The following NOP9 variants were observed in gnomAD, a reference collection of about 807,000 sequenced individuals.
The protein encoded by NOP9 is nucleolar protein 9.
In NOP9, 50 loss-of-function variants were observed where a neutral mutation model predicts 63.0. The ratio of observed to expected loss-of-function variants is 0.79; its 90% confidence interval spans 0.63 to 1.00. The LOEUF (loss-of-function observed/expected upper bound fraction) is 1.00. Ranked by LOEUF, NOP9 falls within the 50% of genes least tolerant of loss-of-function variation. The pLI is 0.00. For synonymous variants in NOP9, 343 were observed against 332.8 expected, an observed-to-expected ratio of 1.03 and a Z score of -0.33; for missense variants, 758 against 803.0, an observed-to-expected ratio of 0.94 and a Z score of 0.68.
At chr14:24,296,938 A>G, upstream of NOP9, 2 of 1,608,906 alleles carry the variant, frequency 1.2e-6, no homozygotes, top group East Asian at 4.5e-5. Context: ...AGTCATGACA[A>G]AACTCCCCAA....
chr14:24,301,503 A>C lies in NOP9; in HGVS notation c.698-109A>C, dbSNP rs2041375737. ...TCCAGAAGAGACATTTAGTTGTACTACATCTGTTCTGCATCTCCAAGCGGA... is the reference window on the plus strand; with the variant it reads ...TCCAGAAGAGACATTTAGTTGTACTCCATCTGTTCTGCATCTCCAAGCGGA... On this transcript the variant is annotated intron_variant, in intron 2 of 9. Coordinates refer to ENST00000267425, the MANE Select transcript of NOP9 (RefSeq NM_174913.3). The C allele has an allele frequency of 2.3e-6, 3 of 1,322,958 alleles. No individual in the cohort carries two copies. The East Asian group carries it at 7.3e-5, about 32-fold the overall frequency. The allele number at this position is 1,322,958 out of a possible 1,614,324, so 82.0% of individuals were successfully genotyped here. A position where few individuals can be genotyped will look rare whatever the true frequency, so the allele number is the denominator to read the frequency against.
chr14:24,296,715 T>C, upstream of NOP9: 1 of 1,614,112 alleles, frequency 6.2e-7, no homozygotes, highest in Non-Finnish European at 8.5e-7. Flanking sequence ...AATGTGGAGT[T>C]GGGAACAAAG....
At chr14:24,297,543 T>A (rs1221669432), upstream of NOP9, among the ~76,000 whole-genome samples, 2 of 152,170 alleles carry the variant, frequency 1.3e-5, no homozygotes, top group East Asian at 3.8e-4. Flanking sequence ...TCCCAACGAC[T>A]CACCTGACCT....
the NOP9 span, among the ~76,000 whole-genome samples, chr14:24,285,520 A>G: frequency 1.3e-5 from 2 of 152,110 alleles, no homozygotes; most frequent in African/African-American, 2.4e-5. Context: ...TCTTCTCTGA[A>G]TATCTTAGAT....
In NOP9 at chr14:24,299,911, G is replaced by A. The variant is rs116008439; in HGVS notation, c.-44G>A. 2,630 of 1,506,804 alleles carry A rather than the reference G, an allele frequency of 1.7e-3. 38 individuals carry two copies. In the African/African-American group the frequency reaches 0.033, roughly 19 times the overall value. 93.3% of individuals were successfully genotyped at this position (1,506,804 alleles called of 1,614,324 possible). ...GCTTGGCGACGTCGAAGGTCCGTCC[G>A]CAGTTAAGGAAGCTTTTGCAGCCGG... is the stretch of plus-strand genomic sequence containing the variant. On this transcript the variant is annotated 5_prime_UTR_variant, in exon 1 of 10. Transcript: ENST00000267425.
At chr14:24,300,284 G>T in intron 1 of NOP9, 83 bp downstream of exon 1, 1 of 1,577,020 alleles carries the variant, frequency 6.3e-7, no homozygotes, top group Non-Finnish European at 8.6e-7. Context: ...CAGGGCGTGG[G>T]GACTTAGTTT....
rs778042111 is a variant in NOP9, at chr14:24,300,840, G to T, written c.680G>T (p.Arg227Leu). ...CTGGAGTCTGAGAGAGCCAGGCCCC[G>T]TGGTTCCCAATCATCTGGTAAGTAT... ...TILESERARP[R>L]GSQSSEAQKT... is the part of the protein sequence containing the mutation. Residue 227 changes from arginine to leucine, a missense_variant, in exon 2 of 10, where the codon CGT (arginine) becomes CTT (leucine). Physicochemically the swap from Arg to Leu is moderately radical, Grantham distance 102. Coordinates refer to ENST00000267425, the MANE Select transcript of NOP9 (RefSeq NM_174913.3). 3.5e-5 allele frequency: 57 copies of T among 1,612,776 alleles called. No homozygotes were observed. The highest frequency in any genetic ancestry group is 4.7e-5 in the Non-Finnish European group (56 of 1,179,188).
At chr14:24,303,279 C>G (rs2041410502) in intron 6 of NOP9, 65 bp downstream of exon 6, 2 of 1,598,734 alleles carry the variant, frequency 1.3e-6, no homozygotes, top group African/African-American at 1.3e-5. Flanking sequence ...TAGGACTTAT[C>G]TAATCTTAAG....
chr14:24,298,959 C>A (rs201787891), upstream of NOP9: 4 of 1,605,868 alleles, frequency 2.5e-6, no homozygotes, highest in Non-Finnish European at 3.4e-6. Flanking sequence ...GCACTCACCT[C>A]CTGAGCAACA....
In NOP9 at chr14:24,307,527, G is replaced by A. The variant is rs980644771; in HGVS notation, c.*2432G>A. The stretch of plus-strand genomic sequence containing the variant: ...TATTAGATACTGACCTGGTAGTTGA[G>A]AAGAAAAGTCAAGAAGGGGCGAGGA... On this transcript the variant is annotated 3_prime_UTR_variant, in exon 10 of 10. Coordinates refer to ENST00000267425, the MANE Select transcript of NOP9 (RefSeq NM_174913.3). 6.2e-7 allele frequency: 1 copy of A among 1,611,552 alleles called. No individual in the cohort carries two copies. The highest frequency in any genetic ancestry group is 8.5e-7 in the Non-Finnish European group (1 of 1,178,476).
chr14:24,300,829 A>G lies in NOP9; in HGVS notation c.669A>G (p.Arg223=). 1 of 1,613,734 alleles carries G rather than the reference A, an allele frequency of 6.2e-7. No individual in the cohort carries two copies. The highest frequency in any genetic ancestry group is 8.5e-7 in the Non-Finnish European group (1 of 1,179,678). ...GAGGGACTATTCTGGAGTCTGAGAG[A>G]GCCAGGCCCCGTGGTTCCCAATCAT... ...VLGGTILESE[R]ARPRGSQSSE... The change falls in exon 2 of 10, where the codon AGA becomes AGG. Residue 223 remains arginine, a synonymous_variant. Coordinates refer to ENST00000267425, the MANE Select transcript of NOP9 (RefSeq NM_174913.3).
At chr14:24,292,423 C>T in the NOP9 span, 5 of 1,556,360 alleles carry the variant, frequency 3.2e-6, no homozygotes, top group Non-Finnish European at 4.4e-6. Context: ...CTCCACCCAC[C>T]CTGTCCTTCC....
At position 24,308,052 on chromosome 14, in the gene NOP9, G is replaced by A. The variant is rs1594630626; in HGVS notation, c.*2957G>A. 1 of 612,490 alleles carries A rather than the reference G, an allele frequency of 1.6e-6. No individual in the cohort carries two copies. The highest frequency in any genetic ancestry group is 3.0e-6 in the Non-Finnish European group (1 of 338,822). The allele number at this position is 612,490 out of a possible 1,614,324, so 37.9% of individuals were successfully genotyped here. A position where few individuals can be genotyped will look rare whatever the true frequency, so the allele number is the denominator to read the frequency against. On this transcript the variant is annotated 3_prime_UTR_variant, in exon 10 of 10. Coordinates refer to ENST00000267425, the MANE Select transcript of NOP9 (RefSeq NM_174913.3). Reference sequence around the variant, plus strand: ...AGTCCAAGGGGAGGGATGAGGGAGGGGCCAGATGGGGTCCTGGAGGAAGAA... The same window carrying A: ...AGTCCAAGGGGAGGGATGAGGGAGGAGCCAGATGGGGTCCTGGAGGAAGAA...
upstream of NOP9, chr14:24,296,880 G>A: frequency 1.2e-6 from 2 of 1,614,226 alleles, no homozygotes; most frequent in Non-Finnish European, 1.7e-6. Flanking sequence ...GAGGGATTGT[G>A]CCTGGAGTAG....
At chr14:24,277,981 C>T in the NOP9 span, among the ~76,000 whole-genome samples, 1 of 152,158 alleles carries the variant, frequency 6.6e-6, no homozygotes, top group Non-Finnish European at 1.5e-5. Context: ...TGGGTGCCTG[C>T]CACGTGTCAG....
chr14:24,304,217 C>T lies in NOP9; in HGVS notation c.1587C>T (p.Ala529=), dbSNP rs2041434256. 4 of 1,614,076 alleles carry T rather than the reference C, an allele frequency of 2.5e-6. No homozygotes were observed. The African/African-American group carries it at 5.3e-5, about 22-fold the overall frequency. The change falls in exon 8 of 10, where the codon GCC becomes GCT. Residue 529 remains alanine (A), a synonymous_variant. Coordinates refer to ENST00000267425, the MANE Select transcript of NOP9 (RefSeq NM_174913.3). ...CCGCTGGCTCTCATGTGCTCGATGC[C>T]ATCCTGACCAGCCCCTCTGTGACGC... is the stretch of plus-strand genomic sequence containing the variant. ...QSPAGSHVLD[A]ILTSPSVTRK...
the NOP9 span, among the ~76,000 whole-genome samples, chr14:24,278,602 A>G: frequency 6.6e-6 from 1 of 152,244 alleles, no homozygotes; most frequent in Non-Finnish European, 1.5e-5. Context: ...TCTTCAGATA[A>G]TCAGCTGCAC....
chr14:24,303,048 G>C (rs769838594), intron 5 of NOP9, 26 bp from the exon 6 acceptor site: 7 of 1,502,770 alleles, frequency 4.7e-6, no homozygotes, highest in Admixed American at 4.8e-5. Context: ...CAGAATGCCA[G>C]AGTTACATTC....
In NOP9 at chr14:24,300,642, C is replaced by CGG. The variant is rs773600653; in HGVS notation, c.482_483insGG (p.Glu163ArgfsTer25). 5.8e-5 allele frequency: 59 copies of CGG among 1,011,730 alleles called. No individual in the cohort carries two copies. Among genetic ancestry groups the CGG allele is most frequent in the African/African-American group, 8.2e-5 (4 of 48,800 alleles). The allele number at this position is 1,011,730 out of a possible 1,614,324, so 62.7% of individuals were successfully genotyped here. On this transcript the variant is annotated frameshift_variant, in exon 2 of 10. Coordinates refer to ENST00000267425, the MANE Select transcript of NOP9 (RefSeq NM_174913.3). LOFTEE classifies it high-confidence loss of function. ...CTCCCTCGATTGCTGGGGAGTGCTGCAGAGGAGGAGGAGGAGGAGGAGGAG... is the reference window on the plus strand; with the variant it reads ...CTCCCTCGATTGCTGGGGAGTGCTGCGGAGAGGAGGAGGAGGAGGAGGAGGAG...
Sources: allele counts gnomAD v4.1 joint callset (sites outside exome capture counted in the v4.1 genomes callset), GRCh38; gene constraint gnomAD v4.1.1; transcripts MANE v1.5; gene names NCBI Gene and HGNC (gene_info 2026-07-23, HGNC 2026-07-21).